CLSTN3: variants seen among roughly 807,000 people sequenced by gnomAD.
CLSTN3 encodes calsyntenin 3.
In CLSTN3, 36 loss-of-function variants were observed where a neutral mutation model predicts 95.9. The observed-to-expected ratio is 0.38, with a 90% confidence interval of 0.29 to 0.50. The LOEUF is 0.50. Ranked by LOEUF, CLSTN3 falls within the 20% of genes least tolerant of loss-of-function variation. CLSTN3 has a pLI of 0.95. For missense variants in CLSTN3, 1,084 were observed against 1,268.8 expected (o/e 0.85, Z 2.21); for synonymous variants, 481 against 504.0 (o/e 0.95, Z 0.61).
intron 6 of CLSTN3, 32 bp downstream of exon 6, chr12:7,136,423 A>T: frequency 6.5e-7 from 1 of 1,537,386 alleles, no homozygotes; most frequent in Admixed American, 2.0e-5. Flanking sequence ...CCTCAGGCCT[A>T]TCCCTTCCCA....
chr12:7,147,038 T>C (rs1939631766), intron 12 of CLSTN3, among the ~76,000 whole-genome samples: 1 of 152,160 alleles, frequency 6.6e-6, no homozygotes, highest in Admixed American at 6.5e-5. Flanking sequence ...GCATTCAAGC[T>C]GGGCATGCTC....
chr12:7,156,523 C>T (rs557407628), intron 16 of CLSTN3: 22 of 456,828 alleles, frequency 4.8e-5, no homozygotes, highest in Admixed American at 1.6e-4. Context: ...CCCCCAGACG[C>T]GTTCCTTTAC....
Position 7,150,126 on chromosome 12 carries a change from G to A in CLSTN3, c.2246-418G>A, listed in dbSNP as rs1939698126. Among the ~76,000 whole-genome samples, 1 of 152,220 alleles carries A rather than the reference G, an allele frequency of 6.6e-6. No homozygotes were observed. Among genetic ancestry groups the A allele is most frequent in the South Asian group, 2.1e-4 (1 of 4,832 alleles). On this transcript the variant is annotated intron_variant, in intron 14 of 17. Coordinates refer to ENST00000266546, the MANE Select transcript of CLSTN3 (RefSeq NM_014718.4). The surrounding 1 kb of genome is among the most constrained non-coding windows in gnomAD (Gnocchi z 4.0). ...AGTGAATAGTGGGAGTGATGATTTG[G>A]TAGTTTCCAAAGGAAGCCAGGAGGG...
At chr12:7,151,977 C>T (rs1381006181) in intron 16 of CLSTN3, among the ~76,000 whole-genome samples, 1 of 150,786 alleles carries the variant, frequency 6.6e-6, no homozygotes, top group Non-Finnish European at 1.5e-5. Context: ...TCTCTTGGGC[C>T]TGTGAGGCCA....
chr12:7,135,597 A>G (rs1939396687), intron 4 of CLSTN3, 62 bp downstream of exon 4: 18 of 1,554,088 alleles, frequency 1.2e-5, no homozygotes, highest in Non-Finnish European at 1.6e-5. Flanking sequence ...CTCCCTCAGG[A>G]CAACCCAGGG....
chr12:7,135,346 G>A lies in CLSTN3; in HGVS notation c.403G>A (p.Val135Ile). ...ATGCAGGGCCACTGTGCATGTGCGG[G>A]TCAACGATGTGAACGAGTTTGCCCC... Reference protein sequence around the residue: ...KSHKATVHVRVNDVNEFAPVF... With the variant: ...KSHKATVHVRINDVNEFAPVF... The change falls in exon 4 of 18, where the codon GTC (valine) becomes ATC (isoleucine). Residue 135 changes from valine (V) to isoleucine (I), a missense_variant. Transcript: ENST00000266546. 6.2e-7 allele frequency: 1 copy of A among 1,614,136 alleles called. No homozygotes were observed. Among genetic ancestry groups the A allele is most frequent in the African/African-American group, 1.3e-5 (1 of 75,036 alleles).
rs1172787379 is a variant in CLSTN3, at chr12:7,158,097, C to T, written c.*16C>T. 1 of 1,488,136 alleles carries T rather than the reference C, an allele frequency of 6.7e-7. No individual in the cohort carries two copies. Among genetic ancestry groups the T allele is most frequent in the Non-Finnish European group, 9.0e-7 (1 of 1,110,406 alleles). 92.2% of individuals were successfully genotyped at this position (1,488,136 alleles called of 1,614,324 possible). On this transcript the variant is annotated 3_prime_UTR_variant, in exon 18 of 18. Coordinates refer to ENST00000266546, the MANE Select transcript of CLSTN3 (RefSeq NM_014718.4). ...CCGCTACTAAGGCCTACACCTCTCC[C>T]CACGCAGAGGGGGAATTCTGCCCTG...
chr12:7,149,184 G>A lies in CLSTN3; in HGVS notation c.2060G>A (p.Ser687Asn). 2 of 1,614,074 alleles carry A rather than the reference G, an allele frequency of 1.2e-6. No homozygotes were observed. Among genetic ancestry groups the A allele is most frequent in the Non-Finnish European group, 1.7e-6 (2 of 1,179,966 alleles). The change falls in exon 13 of 18, where the codon AGT becomes AAT. Residue 687 changes from serine to asparagine, a missense_variant. Coordinates refer to ENST00000266546, the MANE Select transcript of CLSTN3 (RefSeq NM_014718.4). The surrounding 1 kb of genome is among the most constrained non-coding windows in gnomAD (Gnocchi z 4.5). ...SHQVEAKKDE[S>N]WQGTVTDTRM... ...CAGGTGGAGGCCAAAAAGGATGAGA[G>A]TTGGCAGGGCACAGGTAAGGACGAC...
rs779432186 is a variant in CLSTN3, at chr12:7,142,093, G to C, written c.1494G>C (p.Lys498Asn). Residue 498 changes from lysine to asparagine, a missense_variant, in exon 10 of 18, where the codon AAG becomes AAC. By Grantham distance (94) the Lys-to-Asn change is moderately conservative. Coordinates refer to ENST00000266546, the MANE Select transcript of CLSTN3 (RefSeq NM_014718.4). ...LMIGACWTEE[K>N]NKEKEKGDNS... Reference sequence around the variant, plus strand: ...TTTTTTTTTTATCCCCAGAGGAGAAGAACAAAGAGAAGGAAAAGGGAGACA... The same window carrying C: ...TTTTTTTTTTATCCCCAGAGGAGAACAACAAAGAGAAGGAAAAGGGAGACA... 1.3e-6 allele frequency: 2 copies of C among 1,589,392 alleles called. No homozygotes were observed. The highest frequency in any genetic ancestry group is 1.7e-4 in the Middle Eastern group (1 of 5,938).
chr12:7,158,101 G>T lies in CLSTN3; in HGVS notation c.*20G>T. On this transcript the variant is annotated 3_prime_UTR_variant, in exon 18 of 18. Coordinates refer to ENST00000266546, the MANE Select transcript of CLSTN3 (RefSeq NM_014718.4). ...TACTAAGGCCTACACCTCTCCCCACGCAGAGGGGGAATTCTGCCCTGGTGA... is the reference window on the plus strand; with the variant it reads ...TACTAAGGCCTACACCTCTCCCCACTCAGAGGGGGAATTCTGCCCTGGTGA... The T allele has an allele frequency of 6.7e-7, 1 of 1,484,362 alleles. No homozygotes were observed. Among genetic ancestry groups the T allele is most frequent in the South Asian group, 1.4e-5 (1 of 73,886 alleles). The allele number at this position is 1,484,362 out of a possible 1,614,324, so 91.9% of individuals were successfully genotyped here. A position where few individuals can be genotyped will look rare whatever the true frequency, so the allele number is the denominator to read the frequency against.
rs35489298 is a variant in CLSTN3, at chr12:7,137,756, ATGTGTGTGTG to A, written c.1211-168_1211-159del. 5.3e-5 allele frequency among the ~76,000 whole-genome samples: 4 copies of A among 76,168 alleles called. No individual in the cohort carries two copies. Among genetic ancestry groups the A allele is most frequent in the East Asian group, 5.0e-4 (1 of 2,012 alleles). The allele number at this position is 76,168 out of a possible 152,430, so 50.0% of individuals were successfully genotyped here. ...AGCCCAAGTTATCACTTGGACTGGA[ATGTGTGTGTG>A]TGTGTGTGTGTGTGTGTGTGTGTGT... On this transcript the variant is annotated intron_variant, in intron 7 of 17. Transcript: ENST00000266546. This position sits in a 1 kb window ranked among gnomAD's most constrained non-coding sequence, Gnocchi z 4.4.
chr12:7,137,064 G>A lies in CLSTN3; in HGVS notation c.1164G>A (p.Lys388=), dbSNP rs2055048005. 1 of 1,614,026 alleles carries A rather than the reference G, an allele frequency of 6.2e-7. No individual in the cohort carries two copies. The highest frequency in any genetic ancestry group is 8.5e-7 in the Non-Finnish European group (1 of 1,179,974). The change falls in exon 7 of 18, where the codon AAG becomes AAA. Residue 388 remains lysine, a synonymous_variant. Transcript: ENST00000266546. The surrounding 1 kb of genome is among the most constrained non-coding windows in gnomAD (Gnocchi z 4.4). ...FWMKHGVTPN[K]GKKEEETIVC... ...TGAAGCATGGCGTAACTCCCAACAA[G>A]GGCAAGAAGGAAGAGGAAACCATCG... is the stretch of plus-strand genomic sequence containing the variant.
At chr12:7,147,246 G>A (rs1003483574) in intron 12 of CLSTN3, among the ~76,000 whole-genome samples, 1 of 151,532 alleles carries the variant, frequency 6.6e-6, no homozygotes, top group Non-Finnish European at 1.5e-5. Flanking sequence ...AAAGATCAGT[G>A]GACTTGGGCG....
chr12:7,133,208 A>G lies in CLSTN3; in HGVS notation c.187+62A>G. On this transcript the variant is annotated intron_variant, in intron 2 of 17. Coordinates refer to ENST00000266546, the MANE Select transcript of CLSTN3 (RefSeq NM_014718.4). This position sits in a 1 kb window ranked among gnomAD's most constrained non-coding sequence, Gnocchi z 4.7. ...CAGAGAAAAGTGGGTGGGAGGGCCA[A>G]GAGCAAGGGAGGGAGGGAAGGTCCT... is the stretch of plus-strand genomic sequence containing the variant. 1 of 1,299,868 alleles carries G rather than the reference A, an allele frequency of 7.7e-7. No homozygotes were observed. Among genetic ancestry groups the G allele is most frequent in the South Asian group, 1.2e-5 (1 of 83,806 alleles). The allele number at this position is 1,299,868 out of a possible 1,614,324, so 80.5% of individuals were successfully genotyped here.
At chr12:7,143,114 C>T in intron 11 of CLSTN3, 49 bp from the exon 12 acceptor site, 1 of 1,600,858 alleles carries the variant, frequency 6.2e-7, no homozygotes, top group Non-Finnish European at 8.5e-7. Flanking sequence ...CTCCCTTCCT[C>T]TGCCACCTCC....
chr12:7,130,993 C>T, intron 1 of CLSTN3: 1 of 542,756 alleles, frequency 1.8e-6, no homozygotes, highest in East Asian at 3.2e-5. Flanking sequence ...TCTATTCTCC[C>T]CTTCCCCTAA....
chr12:7,144,101 C>T (rs774438401), intron 12 of CLSTN3, among the ~76,000 whole-genome samples: 109 of 152,054 alleles, frequency 7.2e-4, no homozygotes, highest in Middle Eastern at 3.2e-3. Flanking sequence ...GTGGCACGTG[C>T]CTGTAATCCC....
Position 7,136,287 on chromosome 12 carries a change from A to T in CLSTN3, c.824A>T (p.Glu275Val), listed in dbSNP as rs1351349270. ...GGTATCCGCCTGGAGACCTGTGATG[A>T]ACCACTCTGGAACATTCAGGCCACC... ...FPGIRLETCD[E>V]PLWNIQATIE... Residue 275 changes from glutamate (E) to valine (V), a missense_variant, in exon 6 of 18, where the codon GAA (glutamate) becomes GTA (valine). Coordinates refer to ENST00000266546, the MANE Select transcript of CLSTN3 (RefSeq NM_014718.4). 1 of 1,614,204 alleles carries T rather than the reference A, an allele frequency of 6.2e-7. No individual in the cohort carries two copies. Among genetic ancestry groups the T allele is most frequent in the Admixed American group, 1.7e-5 (1 of 60,032 alleles).
In CLSTN3 at chr12:7,142,237, G is replaced by A. The variant is rs76238869; in HGVS notation, c.1540+98G>A. 7,130 of 1,000,576 alleles carry A rather than the reference G, an allele frequency of 7.1e-3. 36 individuals are homozygous for A. The highest frequency in any genetic ancestry group is 7.8e-3 in the Non-Finnish European group (5,179 of 664,120). The allele number at this position is 1,000,576 out of a possible 1,614,324, so 62.0% of individuals were successfully genotyped here. A position where few individuals can be genotyped will look rare whatever the true frequency, so the allele number is the denominator to read the frequency against. On this transcript the variant is annotated intron_variant, in intron 10 of 17. Coordinates refer to ENST00000266546, the MANE Select transcript of CLSTN3 (RefSeq NM_014718.4). ...CCCAAATCCTATCCAGCCTGTGACA[G>A]CCTCCTAGGCCACCAGGGGGCAGAG...
Sources: gnomAD v4.1 joint callset for allele counts (sites outside exome capture counted in the v4.1 genomes callset) on GRCh38, gnomAD v4.1.1 for gene constraint, Gnocchi (gnomAD v3.1) non-coding constraint, MANE v1.5 for transcripts, NCBI Gene and HGNC (gene_info 2026-07-23, HGNC 2026-07-21) for gene names.